ERAP1: variants seen among roughly 807,000 people sequenced by gnomAD.
The protein encoded by ERAP1 is adipocyte-derived leucine aminopeptidase.
Under a neutral mutation model 103.7 loss-of-function variants are expected in ERAP1, and 86 were observed. That is an observed-to-expected ratio of 0.83 (90% CI 0.70 to 0.99). The LOEUF (loss-of-function observed/expected upper bound fraction) is 0.99, where lower values mean the gene tolerates loss of function less well. ERAP1 is among the 50% of genes least tolerant of loss of function. The pLI, the probability that ERAP1 is intolerant of heterozygous loss-of-function variation, is 0.00. For missense variants in ERAP1, 1,009 were observed against 1,128.4 expected, an observed-to-expected ratio of 0.89 and a Z score of 1.52; for synonymous variants, 398 against 402.4, an observed-to-expected ratio of 0.99 and a Z score of 0.13.
At chr5:96,806,216 C>T (rs1449043363) in intron 1 of ERAP1, 1 of 152,080 alleles carries the variant, frequency 6.6e-6, no homozygotes, top group Non-Finnish European at 1.5e-5. Context: ...CAGTTTGAAA[C>T]ATGGCATTTC....
the ERAP1 span, among the ~76,000 whole-genome samples, chr5:96,880,513 T>G: frequency 2.6e-5 from 4 of 152,146 alleles, no homozygotes; most frequent in Non-Finnish European, 5.9e-5. Flanking sequence ...ATGATAGATA[T>G]GCTTATGTGC....
chr5:96,762,235 T>C (rs1203175193), exon 20 of ERAP1: 2 of 1,357,330 alleles, frequency 1.5e-6, no homozygotes, highest in Non-Finnish European at 2.1e-6. Context: ...CATAATTTTA[T>C]ATACAACATG....
At chr5:96,836,478 A>T in the ERAP1 span, among the ~76,000 whole-genome samples, 3 of 152,238 alleles carry the variant, frequency 2.0e-5, no homozygotes, top group African/African-American at 7.2e-5. Context: ...CTGGGATTAC[A>T]GGCGTGAGCC....
chr5:96,842,476 C>T, the ERAP1 span, among the ~76,000 whole-genome samples: 3 of 152,142 alleles, frequency 2.0e-5, no homozygotes, highest in Admixed American at 1.3e-4. Flanking sequence ...TTGATCATGG[C>T]CATTCTTGAA....
chr5:96,832,267 G>T, the ERAP1 span, among the ~76,000 whole-genome samples: 1 of 152,204 alleles, frequency 6.6e-6, no homozygotes, highest in African/African-American at 2.4e-5. Flanking sequence ...TAGAACTTCT[G>T]TCCCCTGAGA....
the ERAP1 span, chr5:96,879,656 T>C: frequency 1.4e-5 from 22 of 1,588,910 alleles, no homozygotes; most frequent in Non-Finnish European, 1.9e-5. Flanking sequence ...TTAGCCTGGA[T>C]ATTAACTTGT....
At chr5:96,887,303 CT>C in the ERAP1 span, among the ~76,000 whole-genome samples, 77 of 137,486 alleles carry the variant, frequency 5.6e-4, 1 homozygote, top group South Asian at 1.4e-3. Context: ...TTGTTTCCGA[CT>C]TTTTTTTTTT....
At chr5:96,836,176 G>GTTTTTTTTTTTTTTTTTTTTTTTTTT in the ERAP1 span, among the ~76,000 whole-genome samples, 43 of 106,652 alleles carry the variant, frequency 4.0e-4, no homozygotes, top group Non-Finnish European at 5.4e-4. Context: ...CACCTCTTTG[G>GTTTTTTTTTTTTTTTTTTTTTTTTTT]TTTTTTTTTT....
chr5:96,893,013 T>C, the ERAP1 span, among the ~76,000 whole-genome samples: 1 of 151,990 alleles, frequency 6.6e-6, no homozygotes, highest in Non-Finnish European at 1.5e-5. Context: ...CTGAGGATTA[T>C]GGATAGGGAA....
At chr5:96,874,182 G>GAAAGAAAGAAAGAA in the ERAP1 span, among the ~76,000 whole-genome samples, 4 of 147,018 alleles carry the variant, frequency 2.7e-5, no homozygotes, top group African/African-American at 7.6e-5. Flanking sequence ...AAGAAAGAAA[G>GAAAGAAAGAAAGAA]AGAGAGAGAA....
the ERAP1 span, among the ~76,000 whole-genome samples, chr5:96,866,991 C>G: frequency 2.0e-5 from 3 of 147,578 alleles, no homozygotes; most frequent in Admixed American, 2.1e-4. Context: ...TTCCCTTTTT[C>G]CCTGCTTTAC....
In ERAP1 at chr5:96,781,769, A is replaced by G; in HGVS notation, c.2371T>C (p.Phe791Leu). The G allele has an allele frequency of 6.2e-7, 1 of 1,614,162 alleles. No individual in the cohort carries two copies. The highest frequency in any genetic ancestry group is 8.5e-7 in the Non-Finnish European group (1 of 1,180,036). Reference sequence around the variant, plus strand: ...CTTTTCTCAGTACTGGACAAAGAAAACTGATATTTACTATAAAGAAAATCC... The same window carrying G: ...CTTTTCTCAGTACTGGACAAAGAAAGCTGATATTTACTATAAAGAAAATCC... The part of the protein sequence containing the change: ...GWDFLYSKYQ[F>L]SLSSTEKSQI... The change falls in exon 16 of 19, where the codon TTT becomes CTT. Residue 791 changes from phenylalanine (F) to leucine (L), a missense_variant. Physicochemically the swap from Phe to Leu is conservative, Grantham distance 22. Transcript: ENST00000443439.
the ERAP1 span, among the ~76,000 whole-genome samples, chr5:96,827,178 A>G: frequency 6.6e-6 from 1 of 152,086 alleles, no homozygotes; most frequent in African/African-American, 2.4e-5. Context: ...TTTTGCTTGG[A>G]TTTTAATAAA....
chr5:96,822,434 A>C, the ERAP1 span, among the ~76,000 whole-genome samples: 7 of 152,326 alleles, frequency 4.6e-5, no homozygotes, highest in African/African-American at 1.7e-4. Context: ...TCAGGAACAA[A>C]GGTGGTCCCA....
chr5:96,840,572 A>G, the ERAP1 span, among the ~76,000 whole-genome samples: 1 of 152,220 alleles, frequency 6.6e-6, no homozygotes, highest in East Asian at 1.9e-4. Flanking sequence ...TCCCTTAATA[A>G]TGTTAACTCG....
rs111319546 is a variant in ERAP1 at position 96,795,257 on chromosome 5, G to A, written c.799-95C>T. The A allele has an allele frequency of 7.4e-4, 1,126 of 1,514,618 alleles. 8 individuals are homozygous for A. The African/African-American group carries it at 0.014, about 19-fold the overall frequency. The allele number at this position is 1,514,618 out of a possible 1,614,324, so 93.8% of individuals were successfully genotyped here. ...CTGACATTAATGTCTTCATATTGTG[G>A]GATATGGTTGCCAATATTAAAGAAA... On this transcript the variant is annotated intron_variant, in intron 4 of 18. Transcript: ENST00000443439.
At chr5:96,905,246 T>A in the ERAP1 span, among the ~76,000 whole-genome samples, 27 of 152,284 alleles carry the variant, frequency 1.8e-4, no homozygotes, top group African/African-American at 6.0e-4. Flanking sequence ...AGGCAGAATG[T>A]AAGTCTGTGT....
At chr5:96,845,506 A>G in the ERAP1 span, among the ~76,000 whole-genome samples, 3 of 152,266 alleles carry the variant, frequency 2.0e-5, no homozygotes, top group South Asian at 6.2e-4. Flanking sequence ...AAGTGCTGGA[A>G]TTATAGGTGG....
the ERAP1 span, among the ~76,000 whole-genome samples, chr5:96,895,761 C>A: frequency 6.6e-6 from 1 of 152,178 alleles, no homozygotes; most frequent in Admixed American, 6.6e-5. Context: ...AAAGGGTCTG[C>A]TGGCTTCCCC....
Sources: allele counts gnomAD v4.1 joint callset (sites outside exome capture counted in the v4.1 genomes callset), GRCh38; gene constraint gnomAD v4.1.1; transcripts MANE v1.5; gene names NCBI Gene and HGNC (gene_info 2026-07-23, HGNC 2026-07-21).